The following ANKS1B variants were observed in gnomAD, a reference collection of about 807,000 sequenced individuals.
ANKS1B encodes ankyrin repeat and sterile alpha motif domain-containing protein 1B.
ANKS1B carries 36 observed loss-of-function variants against 148.3 expected under a neutral mutation model. That is an observed-to-expected ratio of 0.24 (90% confidence interval 0.19 to 0.32). The LOEUF is 0.32. Ranked by LOEUF, ANKS1B falls within the 10% of genes least tolerant of loss-of-function variation. The pLI is 1.00. For synonymous variants in ANKS1B, 542 were observed against 560.8 expected (o/e 0.97, Z 0.47); for missense variants, 1,157 against 1,542.6 (o/e 0.75, Z 4.19).
chr12:99,335,356 C>T (rs948192390), intron 12 of ANKS1B, among the ~76,000 whole-genome samples: 2 of 151,860 alleles, frequency 1.3e-5, no homozygotes, highest in African/African-American at 4.8e-5. Flanking sequence ...GTATTATGAA[C>T]ATTCCAATTA....
intron 1 of ANKS1B, among the ~76,000 whole-genome samples, chr12:99,909,987 A>G (rs865864066): frequency 6.6e-6 from 1 of 152,246 alleles, no homozygotes; most frequent in South Asian, 2.1e-4. Flanking sequence ...GAATTTGTTC[A>G]TATTCCATTC....
chr12:99,073,828 C>G (rs987711796), intron 16 of ANKS1B, among the ~76,000 whole-genome samples: 1 of 152,172 alleles, frequency 6.6e-6, no homozygotes, highest in Non-Finnish European at 1.5e-5. Context: ...AACTCACAGC[C>G]TTGGGTCTCT....
intron 11 of ANKS1B, among the ~76,000 whole-genome samples, chr12:99,441,349 A>G (rs912536487): frequency 6.6e-6 from 1 of 151,810 alleles, no homozygotes; most frequent in African/African-American, 2.4e-5. Context: ...TCCTCTATGC[A>G]CATCCTCTAG....
chr12:99,259,859 T>G (rs2075734570), intron 12 of ANKS1B, among the ~76,000 whole-genome samples: 1 of 152,210 alleles, frequency 6.6e-6, no homozygotes, highest in African/African-American at 2.4e-5. Context: ...CAGCTATCTC[T>G]GCCTCCCTAG....
intron 14 of ANKS1B, among the ~76,000 whole-genome samples, chr12:99,205,430 A>AT (rs999200863): frequency 1.3e-5 from 2 of 152,214 alleles, no homozygotes; most frequent in South Asian, 4.2e-4. Context: ...TTTATACTAA[A>AT]TTTTTTTGTT....
intron 1 of ANKS1B, among the ~76,000 whole-genome samples, chr12:99,863,170 CCT>C (rs1377462294): frequency 2.1e-4 from 32 of 152,168 alleles, no homozygotes; most frequent in Admixed American, 2.0e-3. Flanking sequence ...TATGTATGTG[CCT>C]CTGTTTTTTA....
intron 12 of ANKS1B, among the ~76,000 whole-genome samples, chr12:99,273,214 G>C (rs2077245438): frequency 6.6e-6 from 1 of 152,096 alleles, no homozygotes; most frequent in Non-Finnish European, 1.5e-5. Flanking sequence ...TTTCATATAA[G>C]AAACATTCTT....
chr12:99,501,883 A>T (rs1459993700), intron 10 of ANKS1B, among the ~76,000 whole-genome samples: 1 of 152,120 alleles, frequency 6.6e-6, no homozygotes, highest in East Asian at 1.9e-4. Flanking sequence ...TTTAGATGTG[A>T]TTCGATTTCT....
In ANKS1B at chr12:98,766,930, C is replaced by T. The variant is rs137963004; in HGVS notation, c.3579+6112G>A. Among the ~76,000 whole-genome samples the T allele has an allele frequency of 2.5e-4, 38 of 151,998 alleles. No individual in the cohort carries two copies. The East Asian group carries it at 7.1e-3, about 29-fold the overall frequency. ...AAGAGATCCTCCCACCTCAGCCTCC[C>T]GAGTAGCTGGCACTACATGTGTGTG... On this transcript the variant is annotated intron_variant, in intron 25 of 26. Coordinates refer to ENST00000683438, the MANE Select transcript of ANKS1B (RefSeq NM_001352186.2).
intron 22 of ANKS1B, among the ~76,000 whole-genome samples, chr12:98,792,500 T>C (rs77292577): frequency 0.012 from 1,771 of 152,246 alleles, 14 homozygotes; most frequent in Middle Eastern, 0.031. Flanking sequence ...CAGTACAGCA[T>C]TGTTAGCTAC....
At chr12:99,759,098 T>G (rs4132669) in intron 8 of ANKS1B, among the ~76,000 whole-genome samples, 67,757 of 151,606 alleles carry the variant, frequency 0.45, 15,535 homozygotes, top group South Asian at 0.61. Context: ...TTCCCTTGAC[T>G]AAGCATTCTT....
chr12:99,154,945 G>T (rs1387850315), intron 14 of ANKS1B: 2 of 1,534,310 alleles, frequency 1.3e-6, no homozygotes, highest in East Asian at 4.9e-5. Context: ...CTGTAAGCCT[G>T]CTGCTGCTGC....
intron 15 of ANKS1B, among the ~76,000 whole-genome samples, chr12:99,089,123 T>G (rs2053158795): frequency 6.6e-6 from 1 of 152,048 alleles, no homozygotes; most frequent in Admixed American, 6.6e-5. Context: ...CCGCTCATTT[T>G]TCTCAATAAA....
At chr12:99,259,367 G>T (rs1277622488) in intron 12 of ANKS1B, among the ~76,000 whole-genome samples, 3 of 152,194 alleles carry the variant, frequency 2.0e-5, no homozygotes, top group Non-Finnish European at 4.4e-5. Flanking sequence ...CTTAAGACCG[G>T]CAGCTGCCTT....
At chr12:98,850,438 T>C (rs1176370451) in intron 17 of ANKS1B, among the ~76,000 whole-genome samples, 1 of 148,414 alleles carries the variant, frequency 6.7e-6, no homozygotes, top group Non-Finnish European at 1.5e-5. Context: ...ATGTAGTTGA[T>C]GGAGACCAGA....
At chr12:99,610,717 C>A (rs1280602046) in intron 9 of ANKS1B, among the ~76,000 whole-genome samples, 1 of 152,114 alleles carries the variant, frequency 6.6e-6, no homozygotes, top group African/African-American at 2.4e-5. Flanking sequence ...TGAGCCCCAA[C>A]AATCCTAATT....
intron 4 of ANKS1B, among the ~76,000 whole-genome samples, chr12:99,782,302 T>G (rs1034488888): frequency 6.6e-6 from 1 of 152,142 alleles, no homozygotes; most frequent in African/African-American, 2.4e-5. Context: ...TGCTTCTAAA[T>G]AGAAATTTGG....
chr12:99,715,671 G>T (rs960619788), intron 8 of ANKS1B, among the ~76,000 whole-genome samples: 8 of 152,054 alleles, frequency 5.3e-5, no homozygotes, highest in Non-Finnish European at 1.2e-4. Context: ...TCTTTGCTCC[G>T]TGAAAAAGAT....
At chr12:99,400,669 C>A (rs1196071013) in intron 11 of ANKS1B, among the ~76,000 whole-genome samples, 3 of 144,678 alleles carry the variant, frequency 2.1e-5, no homozygotes, top group Non-Finnish European at 4.6e-5. Context: ...TCAACTCTAC[C>A]TTTCTTACTT....
Sources: allele counts gnomAD v4.1 joint callset (sites outside exome capture counted in the v4.1 genomes callset), GRCh38; gene constraint gnomAD v4.1.1; transcripts MANE v1.5; gene names NCBI Gene and HGNC (gene_info 2026-07-23, HGNC 2026-07-21).